Variants in FLI1 observed in about 807,000 individuals in gnomAD.
The protein encoded by FLI1 is Fli-1 proto-oncogene, ETS transcription factor.
FLI1 carries 13 observed loss-of-function variants against 53.1 expected under a neutral mutation model. The observed-to-expected ratio is 0.24, with a 90% CI of 0.16 to 0.39. The LOEUF is 0.39. Ranked by LOEUF, FLI1 falls within the 10% of genes least tolerant of loss-of-function variation. The probability of loss-of-function intolerance (pLI) is 1.00; values close to 1 mark genes in which losing one functional copy is unlikely to be tolerated. For missense variants in FLI1, 424 were observed against 600.5 expected (o/e 0.71, Z 3.07); for synonymous variants, 244 against 236.7 (o/e 1.03, Z -0.28).
chr11:128,733,519 G>A (rs918300937), intron 1 of FLI1, among the ~76,000 whole-genome samples: 4 of 152,194 alleles, frequency 2.6e-5, no homozygotes, highest in African/African-American at 4.8e-5. Context: ...GGTCAAGTTA[G>A]TGGGCCAGAG....
chr11:128,766,702 T>C (rs894280481), intron 2 of FLI1, among the ~76,000 whole-genome samples: 4 of 151,892 alleles, frequency 2.6e-5, no homozygotes, highest in African/African-American at 9.7e-5. Context: ...GGTGGGTCCC[T>C]ATCTGGTACG....
intron 4 of FLI1, among the ~76,000 whole-genome samples, chr11:128,780,235 C>T (rs1469815682): frequency 2.0e-5 from 3 of 152,192 alleles, no homozygotes; most frequent in African/African-American, 4.8e-5. Context: ...CTCAATACCA[C>T]CCCCGTCATC....
intron 5 of FLI1, among the ~76,000 whole-genome samples, chr11:128,785,835 G>A (rs1311250438): frequency 6.6e-6 from 1 of 152,154 alleles, no homozygotes; most frequent in Non-Finnish European, 1.5e-5. Context: ...TACCAGGAGC[G>A]GCAAGGAGTG....
intron 1 of FLI1, among the ~76,000 whole-genome samples, chr11:128,704,924 T>G (rs1938488194): frequency 6.6e-6 from 1 of 152,232 alleles, no homozygotes; most frequent in Non-Finnish European, 1.5e-5. Context: ...ATTCAAACCT[T>G]TAAGACATGC....
intron 4 of FLI1, among the ~76,000 whole-genome samples, chr11:128,779,357 A>AT (rs1221718150): frequency 1.2e-4 from 18 of 152,110 alleles, no homozygotes; most frequent in Admixed American, 8.5e-4. Context: ...TACTTCTGGG[A>AT]TTTTTTTGTA....
intron 1 of FLI1, among the ~76,000 whole-genome samples, chr11:128,724,851 C>T (rs1565467582): frequency 6.6e-6 from 1 of 152,176 alleles, no homozygotes; most frequent in African/African-American, 2.4e-5. Context: ...TCCTCATTTC[C>T]CTTCCTTGGT....
At chr11:128,707,068 G>A (rs564451449) in intron 1 of FLI1, among the ~76,000 whole-genome samples, 53 of 152,308 alleles carry the variant, frequency 3.5e-4, no homozygotes, top group African/African-American at 1.1e-3. Context: ...TTATGGGCAC[G>A]GTTGGTGTGC....
At chr11:128,703,174 C>G (rs1028993916) in intron 1 of FLI1, among the ~76,000 whole-genome samples, 2 of 152,192 alleles carry the variant, frequency 1.3e-5, no homozygotes, top group Admixed American at 1.3e-4. Context: ...GAGACTAAAA[C>G]AGCTTAATGT....
At chr11:128,751,812 G>T (rs9736143) in intron 1 of FLI1, among the ~76,000 whole-genome samples, 145,637 of 147,576 alleles carry the variant, frequency 0.99, 71,860 homozygotes, top group South Asian at 1. Flanking sequence ...ACAGGCGTGG[G>T]TTTTTTTTTT....
At chr11:128,715,654 G>T (rs1017495795) in intron 1 of FLI1, among the ~76,000 whole-genome samples, 2 of 152,190 alleles carry the variant, frequency 1.3e-5, no homozygotes, top group African/African-American at 4.8e-5. Context: ...GGAAACAATA[G>T]GCTTTGCTTG....
rs192218867 is a variant in FLI1 at position 128,756,119 on chromosome 11, C to T, written c.19-1996C>T. Among the ~76,000 whole-genome samples, 8 of 152,328 alleles carry T rather than the reference C, an allele frequency of 5.3e-5. No individual in the cohort carries two copies. In the South Asian group the frequency reaches 6.2e-4, roughly 12 times the overall value. ...CCCAGCTTTAACAAGTGCTGTTCAC[C>T]TATCACTACATTTTCAAGTAAAGGT... On this transcript the variant is annotated intron_variant, in intron 1 of 8. Transcript: ENST00000527786.
chr11:128,747,649 A>G (rs1028553096), intron 1 of FLI1, among the ~76,000 whole-genome samples: 1 of 152,192 alleles, frequency 6.6e-6, no homozygotes, highest in African/African-American at 2.4e-5. Flanking sequence ...TGTGGGACCT[A>G]CTTTAATGGT....
At chr11:128,759,716 G>A (rs922607885) in intron 2 of FLI1, among the ~76,000 whole-genome samples, 1 of 152,230 alleles carries the variant, frequency 6.6e-6, no homozygotes, top group Non-Finnish European at 1.5e-5. Flanking sequence ...GGATGTCAGT[G>A]TTCTCTTTGA....
At chr11:128,771,629 C>T (rs1941560947) in intron 3 of FLI1, among the ~76,000 whole-genome samples, 1 of 152,142 alleles carries the variant, frequency 6.6e-6, no homozygotes, top group South Asian at 2.1e-4. Context: ...ATATTCCTGC[C>T]TAATAAATAT....
At chr11:128,786,217 G>T (rs1942075768) in intron 5 of FLI1, among the ~76,000 whole-genome samples, 2 of 152,084 alleles carry the variant, frequency 1.3e-5, no homozygotes, top group Non-Finnish European at 2.9e-5. Context: ...GAGAAATGAG[G>T]CCCATGTTAG....
intron 1 of FLI1, among the ~76,000 whole-genome samples, chr11:128,745,655 C>T (rs367920590): frequency 1.3e-5 from 2 of 152,164 alleles, no homozygotes; most frequent in East Asian, 1.9e-4. Flanking sequence ...TGAGAGGAAA[C>T]GAAATAAAAT....
At chr11:128,707,843 A>G (rs1168664364) in intron 1 of FLI1, among the ~76,000 whole-genome samples, 1 of 152,220 alleles carries the variant, frequency 6.6e-6, no homozygotes, top group Non-Finnish European at 1.5e-5. Flanking sequence ...GAAATTTCAC[A>G]TGCCTGTTTC....
chr11:128,689,678 C>G (rs2135675939), upstream of FLI1, among the ~76,000 whole-genome samples: 1 of 152,314 alleles, frequency 6.6e-6, no homozygotes, highest in East Asian at 1.9e-4. Context: ...CTGAACCCAC[C>G]TTGGCCCCAT....
At chr11:128,762,568 A>G (rs138393631) in intron 2 of FLI1, among the ~76,000 whole-genome samples, 3 of 152,360 alleles carry the variant, frequency 2.0e-5, no homozygotes, top group African/African-American at 4.8e-5. Flanking sequence ...TCTTTTGGCT[A>G]TATTGAGTTA....
Sources: allele counts gnomAD v4.1 joint callset (sites outside exome capture counted in the v4.1 genomes callset), GRCh38; gene constraint gnomAD v4.1.1; transcripts MANE v1.5; gene names NCBI Gene and HGNC (gene_info 2026-07-23, HGNC 2026-07-21).